ENTREP2: variants seen among roughly 807,000 people sequenced by gnomAD.
ENTREP2 encodes the protein protein ENTREP2.
At chr15:29,119,474 A>C in the ENTREP2 span, among the ~76,000 whole-genome samples, 1 of 25,326 alleles carries the variant, frequency 3.9e-5, no homozygotes, top group Non-Finnish European at 1.4e-4. Flanking sequence ...GGGGAGGGAT[A>C]GCATTGGGAG....
At chr15:29,161,813 C>T in the ENTREP2 span, among the ~76,000 whole-genome samples, 11 of 152,190 alleles carry the variant, frequency 7.2e-5, no homozygotes, top group African/African-American at 2.4e-4. Context: ...TCATGGTGGA[C>T]GGGAGGCAGG....
At chr15:29,469,576 G>C in the ENTREP2 span, among the ~76,000 whole-genome samples, 1 of 152,240 alleles carries the variant, frequency 6.6e-6, no homozygotes, top group African/African-American at 2.4e-5. Context: ...CATGGCGGGG[G>C]AGGGGAAATA....
the ENTREP2 span, among the ~76,000 whole-genome samples, chr15:29,149,844 C>T: frequency 2.0e-5 from 3 of 152,284 alleles, no homozygotes; most frequent in East Asian, 3.9e-4. Context: ...CCGCGGTACC[C>T]GTCACAGACC....
the ENTREP2 span, among the ~76,000 whole-genome samples, chr15:29,197,168 T>G: frequency 1.3e-5 from 2 of 152,006 alleles, no homozygotes; most frequent in African/African-American, 4.8e-5. Context: ...TGGAAAACCA[T>G]GGAAGAAAAA....
the ENTREP2 span, among the ~76,000 whole-genome samples, chr15:29,372,103 T>C: frequency 6.0e-4 from 92 of 152,310 alleles, 2 homozygotes; most frequent in African/African-American, 1.8e-3. Flanking sequence ...CCAGAAATTA[T>C]GGCAGAAAAT....
At chr15:29,627,160 T>C in the ENTREP2 span, among the ~76,000 whole-genome samples, 1 of 152,050 alleles carries the variant, frequency 6.6e-6, no homozygotes, top group Non-Finnish European at 1.5e-5. Flanking sequence ...TGATGTGTTT[T>C]CGTTTCATGC....
chr15:29,185,697 G>A, the ENTREP2 span, among the ~76,000 whole-genome samples: 1 of 152,052 alleles, frequency 6.6e-6, no homozygotes. Flanking sequence ...GAGTAGCTGG[G>A]ATTACAGGCG....
the ENTREP2 span, among the ~76,000 whole-genome samples, chr15:29,574,947 C>A: frequency 2.1e-3 from 317 of 152,196 alleles, 2 homozygotes; most frequent in South Asian, 0.012. Flanking sequence ...TTAAGTATCT[C>A]CTTAAAAGTA....
the ENTREP2 span, among the ~76,000 whole-genome samples, chr15:29,565,773 C>T: frequency 5.9e-5 from 9 of 152,010 alleles, no homozygotes; most frequent in Non-Finnish European, 8.8e-5. Flanking sequence ...ACCATCCTGG[C>T]TAACACGGGG....
chr15:29,542,355 T>G, the ENTREP2 span, among the ~76,000 whole-genome samples: 66,675 of 151,574 alleles, frequency 0.44, 15,565 homozygotes, highest in African/African-American at 0.61. Context: ...CTGGAGTGCA[T>G]TGGCGTGATC....
chr15:29,302,186 T>G, the ENTREP2 span, among the ~76,000 whole-genome samples: 1 of 152,312 alleles, frequency 6.6e-6, no homozygotes, highest in South Asian at 2.1e-4. Context: ...GAAGCTTCTC[T>G]TCCAATAAGA....
chr15:29,190,112 T>G, the ENTREP2 span, among the ~76,000 whole-genome samples: 1 of 152,104 alleles, frequency 6.6e-6, no homozygotes, highest in Non-Finnish European at 1.5e-5. Flanking sequence ...CAGGACCTGC[T>G]CAGGAACCCA....
At chr15:29,444,152 G>A in the ENTREP2 span, among the ~76,000 whole-genome samples, 8 of 102,980 alleles carry the variant, frequency 7.8e-5, no homozygotes, top group African/African-American at 1.2e-4. Flanking sequence ...AAGAAAGACA[G>A]ACAGAAAGAA....
At chr15:29,162,469 G>C in the ENTREP2 span, among the ~76,000 whole-genome samples, 1 of 152,094 alleles carries the variant, frequency 6.6e-6, no homozygotes, top group Non-Finnish European at 1.5e-5. Flanking sequence ...GGTTGGATGG[G>C]GGCATGGTGG....
the ENTREP2 span, among the ~76,000 whole-genome samples, chr15:29,577,556 G>C: frequency 6.6e-6 from 1 of 152,024 alleles, no homozygotes; most frequent in African/African-American, 2.4e-5. Context: ...GTTTTGCCGT[G>C]TTGCCCCAGT....
the ENTREP2 span, among the ~76,000 whole-genome samples, chr15:29,198,003 A>G: frequency 6.6e-6 from 1 of 152,200 alleles, no homozygotes; most frequent in Non-Finnish European, 1.5e-5. Flanking sequence ...TAAAACCTCC[A>G]GGTATCAACA....
the ENTREP2 span, among the ~76,000 whole-genome samples, chr15:29,470,644 C>T: frequency 0.51 from 76,762 of 151,834 alleles, 20,488 homozygotes; most frequent in African/African-American, 0.7. Flanking sequence ...CTGACAAGCA[C>T]TGGCAGACAA....
chr15:29,378,301 T>C, the ENTREP2 span, among the ~76,000 whole-genome samples: 1 of 152,014 alleles, frequency 6.6e-6, no homozygotes, highest in Non-Finnish European at 1.5e-5. Context: ...ATGGTTACCA[T>C]CATTGTTTAC....
chr15:29,570,799 C>T, the ENTREP2 span: 9 of 600,744 alleles, frequency 1.5e-5, no homozygotes, highest in East Asian at 1.6e-4. Flanking sequence ...ACAGAGGGTC[C>T]GAGGCAAGTT....
Sources: allele counts gnomAD v4.1 joint callset (sites outside exome capture counted in the v4.1 genomes callset), GRCh38; gene constraint gnomAD v4.1.1; transcripts MANE v1.5; gene names NCBI Gene and HGNC (gene_info 2026-07-23, HGNC 2026-07-21).